ZBTB40: variants seen among roughly 807,000 people sequenced by gnomAD.
ZBTB40 encodes zinc finger and BTB domain containing 40, also known as zinc finger and BTB domain-containing protein 40.
ZBTB40 carries 60 observed loss-of-function variants against 117.5 expected under a neutral mutation model. The observed-to-expected ratio is 0.51, with a 90% CI of 0.41 to 0.63. ZBTB40 has a LOEUF of 0.63. Among genes scored for constraint, ZBTB40 ranks in the 30% least tolerant of loss-of-function variants. The probability of loss-of-function intolerance (pLI) is 0.00; values close to 1 mark genes in which losing one functional copy is unlikely to be tolerated. For missense variants in ZBTB40, 1,287 were observed against 1,498.5 expected (o/e 0.86, Z 2.33); for synonymous variants, 525 against 577.1 (o/e 0.91, Z 1.29).
chr1:22,509,683 C>G (rs552914640), intron 9 of ZBTB40, among the ~76,000 whole-genome samples: 4 of 152,340 alleles, frequency 2.6e-5, no homozygotes, highest in African/African-American at 9.6e-5. Flanking sequence ...TAGGCTAATG[C>G]TTCCTAACAC....
At chr1:22,500,696 G>T (rs769150726) in intron 3 of ZBTB40, among the ~76,000 whole-genome samples, 2 of 152,200 alleles carry the variant, frequency 1.3e-5, no homozygotes, top group African/African-American at 4.8e-5. Flanking sequence ...TTGTATAAAC[G>T]TTGGTTAGGG....
intron 1 of ZBTB40, among the ~76,000 whole-genome samples, chr1:22,468,873 C>G (rs1243510264): frequency 1.3e-5 from 2 of 151,888 alleles, no homozygotes; most frequent in African/African-American, 4.8e-5. Flanking sequence ...ATCACTCAGG[C>G]TGGAATACAG....
At chr1:22,525,720 G>C (rs555754385) in intron 17 of ZBTB40, among the ~76,000 whole-genome samples, 2 of 152,240 alleles carry the variant, frequency 1.3e-5, no homozygotes, top group Non-Finnish European at 2.9e-5. Context: ...CCTAAGCTCG[G>C]TCACTGTGTG....
chr1:22,509,545 G>A (rs568990918), intron 9 of ZBTB40, among the ~76,000 whole-genome samples: 9 of 152,130 alleles, frequency 5.9e-5, no homozygotes, highest in Admixed American at 3.3e-4. Flanking sequence ...ACGGGGTTTC[G>A]CCATGTTGGC....
At chr1:22,429,324 T>G (rs1047244352) in intron 1 of ZBTB40, among the ~76,000 whole-genome samples, 1 of 151,448 alleles carries the variant, frequency 6.6e-6, no homozygotes, top group Non-Finnish European at 1.5e-5. Context: ...GAGCTTGCAG[T>G]GAGCCGACAT....
intron 1 of ZBTB40, among the ~76,000 whole-genome samples, chr1:22,435,982 C>A (rs1291391110): frequency 6.6e-6 from 1 of 151,392 alleles, no homozygotes; most frequent in Non-Finnish European, 1.5e-5. Flanking sequence ...GAGGCTGAGG[C>A]AGGAGAATCA....
Position 22,513,265 on chromosome 1 carries a change from A to C in ZBTB40, c.2668+135A>C. The C allele has an allele frequency of 1.1e-6, 1 of 938,240 alleles. No individual in the cohort carries two copies. Among genetic ancestry groups the C allele is most frequent in the Non-Finnish European group, 1.7e-6 (1 of 605,512 alleles). 58.1% of individuals were successfully genotyped at this position (938,240 alleles called of 1,614,324 possible). ...CAACAGGGTGACTAAAGTCAATAAT[A>C]ACTTAATTGTACATTTTAAATACAG... On this transcript the variant is annotated intron_variant, in intron 12 of 17. Transcript: ENST00000375647. The surrounding 1 kb of genome is among the most constrained non-coding windows in gnomAD (Gnocchi z 4.9).
At chr1:22,481,813 A>AT (rs1179166824) in intron 1 of ZBTB40, among the ~76,000 whole-genome samples, 1 of 149,756 alleles carries the variant, frequency 6.7e-6, no homozygotes, top group African/African-American at 2.4e-5. Context: ...AAAAAAAAAA[A>AT]AATCACATTA....
intron 10 of ZBTB40, 96 bp downstream of exon 10, chr1:22,511,443 C>G (rs1468746546): frequency 1.3e-6 from 2 of 1,514,832 alleles, no homozygotes; most frequent in Non-Finnish European, 1.8e-6. Flanking sequence ...TTTATCACAA[C>G]CTTAAGTTAC....
chr1:22,513,188 C>G lies in ZBTB40; in HGVS notation c.2668+58C>G. 1.9e-6 allele frequency: 3 copies of G among 1,560,670 alleles called. No individual in the cohort carries two copies. Among genetic ancestry groups the G allele is most frequent in the Non-Finnish European group, 2.6e-6 (3 of 1,145,072 alleles). The stretch of plus-strand genomic sequence containing the variant: ...ACTTTCACTGCGAACTGCCTAAACC[C>G]CATTTGGATTAGGTGTGATATATAT... On this transcript the variant is annotated intron_variant, in intron 12 of 17. Transcript: ENST00000375647. This position sits in a 1 kb window ranked among gnomAD's most constrained non-coding sequence, Gnocchi z 4.9.
Position 22,514,838 on chromosome 1 carries a change from A to C in ZBTB40, c.2668+1708A>C, listed in dbSNP as rs1030978618. ...CTGTATCCATGGGACTTAGACTAGT[A>C]CTTGGCAATAGTAGGCCTTCAATCG... is the stretch of plus-strand genomic sequence containing the variant. On this transcript the variant is annotated intron_variant, in intron 12 of 17. Coordinates refer to ENST00000375647, the MANE Select transcript of ZBTB40 (RefSeq NM_014870.4). 2.0e-5 allele frequency among the ~76,000 whole-genome samples: 3 copies of C among 152,210 alleles called. No individual in the cohort carries two copies. In the East Asian group the frequency reaches 5.8e-4, roughly 29 times the overall value.
chr1:22,522,339 G>T, intron 15 of ZBTB40, 38 bp from the exon 16 acceptor site: 1 of 1,607,654 alleles, frequency 6.2e-7, no homozygotes, highest in Non-Finnish European at 8.5e-7. Flanking sequence ...CCAACCATTT[G>T]TTCTTTCCCA....
chr1:22,454,555 G>C (rs927860647), intron 1 of ZBTB40, among the ~76,000 whole-genome samples: 12 of 152,158 alleles, frequency 7.9e-5, no homozygotes, highest in Non-Finnish European at 1.5e-4. Flanking sequence ...TAGCAAGAAG[G>C]GGAAAGGGAG....
At position 22,431,389 on chromosome 1, in the gene ZBTB40, T is replaced by C. The variant is rs1239303112; in HGVS notation, c.-70+2375T>C. ...GTGTGTGTGTGTGTGTGTGTGTATA[T>C]ATATATATATATATATATATGTATA... On this transcript the variant is annotated intron_variant, in intron 1 of 8. Coordinates refer to the ZBTB40 transcript ENST00000650433. 2.5e-4 allele frequency among the ~76,000 whole-genome samples: 14 copies of C among 56,382 alleles called. No individual in the cohort carries two copies. The South Asian group carries it at 3.2e-3, about 13-fold the overall frequency. The allele number at this position is 56,382 out of a possible 152,430, so 37.0% of individuals were successfully genotyped here. A position where few individuals can be genotyped will look rare whatever the true frequency, so the allele number is the denominator to read the frequency against.
chr1:22,527,144 G>C lies in ZBTB40; in HGVS notation c.*748G>C, dbSNP rs561430859. The C allele has an allele frequency of 6.5e-6, 1 of 153,196 alleles. No individual in the cohort carries two copies. Among genetic ancestry groups the C allele is most frequent in the African/African-American group, 2.4e-5 (1 of 41,562 alleles). The allele number at this position is 153,196 out of a possible 1,614,324, so 9.5% of individuals were successfully genotyped here. A position where few individuals can be genotyped will look rare whatever the true frequency, so the allele number is the denominator to read the frequency against. The stretch of plus-strand genomic sequence containing the variant: ...CTGCCTTTCCAGGACATTCTTCTTG[G>C]TATTCCTTACCTGAAGCCTGGTTCC... On this transcript the variant is annotated 3_prime_UTR_variant, in exon 18 of 18. Coordinates refer to ENST00000375647, the MANE Select transcript of ZBTB40 (RefSeq NM_014870.4).
intron 1 of ZBTB40, among the ~76,000 whole-genome samples, chr1:22,487,710 C>T (rs1347985533): frequency 6.6e-6 from 1 of 152,076 alleles, no homozygotes; most frequent in Non-Finnish European, 1.5e-5. Flanking sequence ...GCATTATCCC[C>T]CTCAAATTCT....
intron 5 of ZBTB40, among the ~76,000 whole-genome samples, chr1:22,503,302 C>T (rs951187399): frequency 2.6e-5 from 4 of 151,078 alleles, no homozygotes; most frequent in Non-Finnish European, 5.9e-5. Context: ...CCAATTTACT[C>T]TCCCACCAGC....
chr1:22,504,043 A>G, intron 5 of ZBTB40, among the ~76,000 whole-genome samples: 1 of 152,258 alleles, frequency 6.6e-6, no homozygotes, highest in East Asian at 1.9e-4. Flanking sequence ...AGAAGAGCTT[A>G]AATTAGTTAT....
At chr1:22,439,891 A>G (rs962474609) in intron 1 of ZBTB40, among the ~76,000 whole-genome samples, 4 of 152,192 alleles carry the variant, frequency 2.6e-5, no homozygotes, top group Non-Finnish European at 4.4e-5. Flanking sequence ...GGTGTTTTGT[A>G]TTGAATCCAT....
Sources: allele counts gnomAD v4.1 joint callset (sites outside exome capture counted in the v4.1 genomes callset), GRCh38; gene constraint gnomAD v4.1.1; non-coding constraint Gnocchi (gnomAD v3.1); transcripts MANE v1.5; gene names NCBI Gene and HGNC (gene_info 2026-07-23, HGNC 2026-07-21).